NFASC: variants seen among roughly 807,000 people sequenced by gnomAD.
NFASC encodes neurofascin, also known as neurofascin homolog.
In NFASC, 43 loss-of-function variants were observed where a neutral mutation model predicts 147.5. The observed-to-expected ratio is 0.29, with a 90% CI of 0.23 to 0.38. The LOEUF is 0.38. Among genes scored for constraint, NFASC ranks in the 10% least tolerant of loss-of-function variants. NFASC has a pLI of 1.00. For synonymous variants in NFASC, 622 were observed against 665.5 expected, an observed-to-expected ratio of 0.93 and a Z score of 1.01; for missense variants, 1,320 against 1,689.0, an observed-to-expected ratio of 0.78 and a Z score of 3.83.
At chr1:204,967,207 A>G (rs66633007) in intron 8 of NFASC, among the ~76,000 whole-genome samples, 5,358 of 152,008 alleles carry the variant, frequency 0.035, 227 homozygotes, top group African/African-American at 0.1. Flanking sequence ...AGCCATTCCT[A>G]TGTACGATCG....
intron 24 of NFASC, among the ~76,000 whole-genome samples, chr1:204,996,861 G>T (rs937017550): frequency 3.9e-5 from 6 of 152,148 alleles, no homozygotes; most frequent in African/African-American, 1.4e-4. Flanking sequence ...TGGGGTCTGA[G>T]CGATTCAGCC....
At position 204,975,215 on chromosome 1, in the gene NFASC, A is replaced by T. The variant is rs2095370175; in HGVS notation, c.1559-56A>T. 1 of 1,553,110 alleles carries T rather than the reference A, an allele frequency of 6.4e-7. No homozygotes were observed. Among genetic ancestry groups the T allele is most frequent in the South Asian group, 1.2e-5 (1 of 82,826 alleles). On this transcript the variant is annotated intron_variant, in intron 14 of 29. Transcript: ENST00000339876. The surrounding 1 kb of genome is among the most constrained non-coding windows in gnomAD (Gnocchi z 4.0). ...CAGACATATGCCACTTTGTGGCCGCATGGGGATGCTGGGCAGAGAACAGGC... is the reference window on the plus strand; with the variant it reads ...CAGACATATGCCACTTTGTGGCCGCTTGGGGATGCTGGGCAGAGAACAGGC...
chr1:204,906,808 C>T (rs937999241), intron 1 of NFASC, among the ~76,000 whole-genome samples: 4 of 151,822 alleles, frequency 2.6e-5, no homozygotes, highest in South Asian at 4.2e-4. Context: ...TCAGCCTCCC[C>T]GAGTAGCTGG....
At chr1:204,966,663 C>T (rs1459676879) in intron 8 of NFASC, among the ~76,000 whole-genome samples, 1 of 152,160 alleles carries the variant, frequency 6.6e-6, no homozygotes, top group African/African-American at 2.4e-5. Context: ...AATGTGTGTG[C>T]TGGTGGGACA....
chr1:204,954,068 C>T lies in NFASC; in HGVS notation c.216-120C>T. The T allele has an allele frequency of 1.2e-6, 1 of 824,490 alleles. No homozygotes were observed. The highest frequency in any genetic ancestry group is 2.6e-5 in the East Asian group (1 of 37,866). 51.1% of individuals were successfully genotyped at this position (824,490 alleles called of 1,614,324 possible). On this transcript the variant is annotated intron_variant, in intron 5 of 29. Transcript: ENST00000339876. This position sits in a 1 kb window ranked among gnomAD's most constrained non-coding sequence, Gnocchi z 5.7. The stretch of plus-strand genomic sequence containing the variant: ...GCTGAGACCTGTTGGTATGGGGTGC[C>T]ACGATGGGACTGAGAGAGGGAATTT...
Position 204,942,378 on chromosome 1 carries a change from A to C in NFASC, c.-90-1848A>C, listed in dbSNP as rs72741214. 4.9e-3 allele frequency among the ~76,000 whole-genome samples: 753 copies of C among 152,288 alleles called. 10 individuals are homozygous for C. Among genetic ancestry groups the C allele is most frequent in the South Asian group, 1.0e-2 (48 of 4,824 alleles). The stretch of plus-strand genomic sequence containing the variant: ...CTGGTAGAAGAGCAGTCTTGGCTGG[A>C]ACACAGGATGCAAGGGAGAGATGAG... On this transcript the variant is annotated intron_variant, in intron 2 of 29. Transcript: ENST00000339876.
At chr1:204,982,754 G>C (rs1574109920) in intron 21 of NFASC, among the ~76,000 whole-genome samples, 1 of 152,238 alleles carries the variant, frequency 6.6e-6, no homozygotes, top group Non-Finnish European at 1.5e-5. Flanking sequence ...GTCCCCTCCT[G>C]GTTGAGGGCC....
At chr1:204,912,179 G>A (rs947750292) in intron 1 of NFASC, among the ~76,000 whole-genome samples, 1 of 151,506 alleles carries the variant, frequency 6.6e-6, no homozygotes, top group South Asian at 2.1e-4. Context: ...TTAGGTTTTG[G>A]GGTGGGAGGC....
At chr1:204,967,140 G>A (rs1435164543) in intron 8 of NFASC, among the ~76,000 whole-genome samples, 2 of 152,128 alleles carry the variant, frequency 1.3e-5, no homozygotes, top group Admixed American at 6.5e-5. Flanking sequence ...CCCTTGTCCT[G>A]CTGAGTCTAA....
In NFASC at chr1:204,920,608, C is replaced by T. The variant is rs117907173; in HGVS notation, c.-199-24C>T. On this transcript the variant is annotated intron_variant, in intron 1 of 29. Coordinates refer to ENST00000339876, the MANE Select transcript of NFASC (RefSeq NM_001005388.3). ...CCTTTCTTAGAGTAACCCTGGGGTT[C>T]TCCTTTGTGCTTGCTTGAGACAGGT... The T allele has an allele frequency of 6.1e-4, 721 of 1,184,004 alleles. 13 individuals are homozygous for T. In the East Asian group the frequency reaches 0.029, roughly 48 times the overall value. 73.3% of individuals were successfully genotyped at this position (1,184,004 alleles called of 1,614,324 possible). A position where few individuals can be genotyped will look rare whatever the true frequency, so the allele number is the denominator to read the frequency against.
intron 1 of NFASC, among the ~76,000 whole-genome samples, chr1:204,872,215 C>T (rs1195254102): frequency 6.6e-6 from 1 of 152,202 alleles, no homozygotes; most frequent in Non-Finnish European, 1.5e-5. Context: ...TTGCGGAGTG[C>T]TCCCTCAACC....
intron 1 of NFASC, among the ~76,000 whole-genome samples, chr1:204,869,385 G>GA: frequency 6.6e-6 from 1 of 151,974 alleles, no homozygotes; most frequent in South Asian, 2.1e-4. Flanking sequence ...AACACAAAGG[G>GA]AAAAAAAGCA....
chr1:204,942,298 G>A (rs977124060), intron 2 of NFASC, among the ~76,000 whole-genome samples: 2 of 152,160 alleles, frequency 1.3e-5, no homozygotes, highest in Admixed American at 1.3e-4. Context: ...TTCTAGACCA[G>A]AGCTTAATGG....
chr1:204,997,301 G>A lies in NFASC; in HGVS notation c.2914G>A (p.Ala972Thr), dbSNP rs370913780. 348 of 1,599,474 alleles carry A rather than the reference G, an allele frequency of 2.2e-4. No homozygotes were observed. Among genetic ancestry groups the A allele is most frequent in the Non-Finnish European group, 2.8e-4 (329 of 1,172,730 alleles). The change falls in exon 25 of 30, where the codon GCC becomes ACC. Residue 972 changes from alanine (A) to threonine (T), a missense_variant. Ala to Thr is a moderately conservative substitution (Grantham distance 58). Coordinates refer to ENST00000339876, the MANE Select transcript of NFASC (RefSeq NM_001005388.3). ...CCCAACTGTCGCACCTACCACCATC[G>A]CCACCACCACCACCGTCGCCACAAC... ...IIPTVAPTTIATTTTVATTTT... is the reference protein window; with the variant it reads ...IIPTVAPTTITTTTTVATTTT...
intron 1 of NFASC, among the ~76,000 whole-genome samples, chr1:204,860,885 A>G (rs1004745702): frequency 6.6e-6 from 1 of 152,034 alleles, no homozygotes; most frequent in African/African-American, 2.4e-5. Context: ...GTTTATCCAC[A>G]TTGTAGCATG....
At chr1:204,892,014 C>G (rs2082499325) in intron 1 of NFASC, among the ~76,000 whole-genome samples, 1 of 152,230 alleles carries the variant, frequency 6.6e-6, no homozygotes, top group Admixed American at 6.5e-5. Context: ...TCTGTTATTA[C>G]TGAGCATCAG....
intron 1 of NFASC, among the ~76,000 whole-genome samples, chr1:204,831,469 T>C (rs1672212820): frequency 6.6e-6 from 1 of 151,908 alleles, no homozygotes; most frequent in African/African-American, 2.4e-5. Flanking sequence ...GTCTGATTTC[T>C]GTGGTGAGTG....
chr1:204,916,420 T>C (rs966710368), intron 1 of NFASC, among the ~76,000 whole-genome samples: 1 of 152,264 alleles, frequency 6.6e-6, no homozygotes, highest in Admixed American at 6.5e-5. Context: ...TCTGTCTATA[T>C]ATCTGTCCAT....
At chr1:204,928,157 T>A (rs1437590090) in intron 2 of NFASC, among the ~76,000 whole-genome samples, 1 of 152,166 alleles carries the variant, frequency 6.6e-6, no homozygotes, top group South Asian at 2.1e-4. Flanking sequence ...CCTGAATACA[T>A]CCACTCACAG....
Sources: gnomAD v4.1 joint callset for allele counts (sites outside exome capture counted in the v4.1 genomes callset) on GRCh38, gnomAD v4.1.1 for gene constraint, Gnocchi (gnomAD v3.1) non-coding constraint, MANE v1.5 for transcripts, NCBI Gene and HGNC (gene_info 2026-07-23, HGNC 2026-07-21) for gene names.